The following NOTCH1 variants were observed in gnomAD, a reference collection of about 807,000 sequenced individuals.
The protein encoded by NOTCH1 is neurogenic locus notch homolog protein 1.
A neutral mutation model predicts 254.8 loss-of-function variants in NOTCH1; 37 were observed. The ratio of observed to expected loss-of-function variants is 0.15; its 90% CI spans 0.11 to 0.19. NOTCH1 has a LOEUF of 0.19. Ranked by LOEUF, NOTCH1 falls within the 10% of genes least tolerant of loss-of-function variation. The probability of loss-of-function intolerance (pLI) is 1.00; values close to 1 mark genes in which losing one functional copy is unlikely to be tolerated. For missense variants in NOTCH1, 2,972 were observed against 3,708.6 expected, an observed-to-expected ratio of 0.80 and a Z score of 5.16; for synonymous variants, 1,731 against 1,618.1, an observed-to-expected ratio of 1.07 and a Z score of -1.68.
At position 136,500,564 on chromosome 9, in the gene NOTCH1, T is replaced by C. The variant is rs770803201; in HGVS notation, c.5922A>G (p.Gln1974=). Residue 1974 remains glutamine (Q), a synonymous_variant, in exon 31 of 34, where the codon CAA becomes CAG. Coordinates refer to ENST00000651671, the MANE Select transcript of NOTCH1 (RefSeq NM_017617.5). ...AGCCACTGCCTACCTGGAAGACACC[T>C]TGTGCGTCGGCAGACACAGCCGCAT... ...PLHAAVSADA[Q]GVFQILIRNR... 3 of 1,611,218 alleles carry C rather than the reference T, an allele frequency of 1.9e-6. No homozygotes were observed. The highest frequency in any genetic ancestry group is 3.3e-5 in the Admixed American group (2 of 60,024).
chr9:136,504,120 C>T (rs763917972), intron 26 of NOTCH1, among the ~76,000 whole-genome samples: 1 of 152,226 alleles, frequency 6.6e-6, no homozygotes, highest in Non-Finnish European at 1.5e-5. Context: ...CATGACCAAG[C>T]GGCATTCTTG....
rs555199977 is a variant in NOTCH1, at chr9:136,511,065, C to T, written c.2587+87G>A. ...GCACCCACCAGCTCCTCTTCAAAGACTCATCTAGCCTGCCTGGGAGCTGCC... is the reference window on the plus strand; with the variant it reads ...GCACCCACCAGCTCCTCTTCAAAGATTCATCTAGCCTGCCTGGGAGCTGCC... On this transcript the variant is annotated intron_variant, in intron 16 of 33. Transcript: ENST00000651671. 4 of 1,594,020 alleles carry T rather than the reference C, an allele frequency of 2.5e-6. No homozygotes were observed. The African/African-American group carries it at 5.4e-5, about 21-fold the overall frequency.
intron 9 of NOTCH1, among the ~76,000 whole-genome samples, chr9:136,516,535 C>G (rs1843275004): frequency 6.6e-6 from 1 of 152,222 alleles, no homozygotes; most frequent in Non-Finnish European, 1.5e-5. Context: ...CCCCGGGCAG[C>G]CATCATCTCC....
Position 136,504,957 on chromosome 9 carries a change from C to T in NOTCH1, c.4734G>A (p.Val1578=). 6.3e-7 allele frequency: 1 copy of T among 1,584,828 alleles called. No homozygotes were observed. Among genetic ancestry groups the T allele is most frequent in the East Asian group, 2.3e-5 (1 of 43,422 alleles). ...TGCGCAGCTGCTCCGGCGGCATCAG[C>T]ACCACCACCACCAGCGTGCCGGCCG... ...RLAAGTLVVV[V]LMPPEQLRNS... is the part of the protein sequence containing the mutation. Residue 1578 remains valine, a synonymous_variant, in exon 26 of 34, where the codon GTG becomes GTA. Transcript: ENST00000651671.
rs2133379918 is a variant in NOTCH1 at position 136,523,989 on chromosome 9, G to A, written c.141-10C>T. 6.5e-7 allele frequency: 1 copy of A among 1,547,222 alleles called. No homozygotes were observed. Among genetic ancestry groups the A allele is most frequent in the Non-Finnish European group, 8.7e-7 (1 of 1,147,888 alleles). On this transcript the variant is annotated splice_polypyrimidine_tract_variant and intron_variant, in intron 2 of 33. Coordinates refer to ENST00000651671, the MANE Select transcript of NOTCH1 (RefSeq NM_017617.5). The stretch of plus-strand genomic sequence containing the variant: ...GAAGGCCCCGCCACAGCTGTTGGCA[G>A]ATGTGCCAGGGCAGTTAGTTCCCAC...
intron 2 of NOTCH1, among the ~76,000 whole-genome samples, chr9:136,539,231 G>GGCT: frequency 6.6e-6 from 1 of 152,274 alleles, no homozygotes; most frequent in East Asian, 1.9e-4. Flanking sequence ...AAAACATGTT[G>GGCT]GCTGCTGTTC....
intron 2 of NOTCH1, among the ~76,000 whole-genome samples, chr9:136,538,558 C>A (rs951073927): frequency 1.5e-4 from 23 of 152,252 alleles, no homozygotes; most frequent in Admixed American, 4.6e-4. Flanking sequence ...AAACGCAGCC[C>A]GGCCCACAGG....
intron 2 of NOTCH1, among the ~76,000 whole-genome samples, chr9:136,525,969 CAT>C (rs955253086): frequency 3.1e-4 from 47 of 152,390 alleles, no homozygotes; most frequent in African/African-American, 8.9e-4. Context: ...AAAGAAAACA[CAT>C]GTCACCCCTT....
chr9:136,510,523 A>G (rs1236758975), intron 17 of NOTCH1, 130 bp downstream of exon 17: 3 of 1,281,236 alleles, frequency 2.3e-6, no homozygotes, highest in Admixed American at 2.0e-5. Context: ...CCCACACCTG[A>G]CCCAACCCTC....
rs1233037256 is a variant in NOTCH1, at chr9:136,545,046, G to GC, written c.61+679dup. The stretch of plus-strand genomic sequence containing the variant: ...CTGTGCGGCGGGGAGAAATGTAAGA[G>GC]CCCCCCACCCGCGTCCCGCTCTCCG... On this transcript the variant is annotated intron_variant, in intron 1 of 33. Transcript: ENST00000651671. The surrounding 1 kb of genome is among the most constrained non-coding windows in gnomAD (Gnocchi z 6.8). Among the ~76,000 whole-genome samples, 1 of 152,088 alleles carries GC rather than the reference G, an allele frequency of 6.6e-6. No individual in the cohort carries two copies. The highest frequency in any genetic ancestry group is 2.1e-4 in the South Asian group (1 of 4,830).
intron 2 of NOTCH1, among the ~76,000 whole-genome samples, chr9:136,541,278 TC>T (rs1843728819): frequency 2.0e-5 from 3 of 152,060 alleles, no homozygotes; most frequent in African/African-American, 7.2e-5. Flanking sequence ...CTTTTTCCAA[TC>T]CCGGGCCCTG....
At position 136,502,037 on chromosome 9, in the gene NOTCH1, C is replaced by T. The variant is rs2133329896; in HGVS notation, c.5436G>A (p.Glu1812=). The change falls in exon 29 of 34, where the codon GAG becomes GAA. Residue 1812 remains glutamate, a synonymous_variant. Coordinates refer to ENST00000651671, the MANE Select transcript of NOTCH1 (RefSeq NM_017617.5). ...DGALMDDNQN[E]WGDEDLETKK... is the part of the protein sequence containing the mutation. ...TGGTCTCCAGGTCCTCGTCCCCCCA[C>T]TCATTCTGGTTGTCGTCCATGAGGG... 1 of 1,613,388 alleles carries T rather than the reference C, an allele frequency of 6.2e-7. No homozygotes were observed. Among genetic ancestry groups the T allele is most frequent in the Non-Finnish European group, 8.5e-7 (1 of 1,179,980 alleles).
At position 136,545,649 on chromosome 9, in the gene NOTCH1, G is replaced by A; in HGVS notation, c.61+77C>T. The A allele has an allele frequency of 8.1e-7, 1 of 1,235,728 alleles. No homozygotes were observed. 76.5% of individuals were successfully genotyped at this position (1,235,728 alleles called of 1,614,324 possible). ...CTCCCCGCCGCCCGCTCCCAGCCGTGGGGCGCGCGCGCCGGGCGCCGCCAA... is the reference window on the plus strand; with the variant it reads ...CTCCCCGCCGCCCGCTCCCAGCCGTAGGGCGCGCGCGCCGGGCGCCGCCAA... On this transcript the variant is annotated intron_variant, in intron 1 of 33. Coordinates refer to ENST00000651671, the MANE Select transcript of NOTCH1 (RefSeq NM_017617.5). The surrounding 1 kb of genome is among the most constrained non-coding windows in gnomAD (Gnocchi z 6.8).
chr9:136,511,793 C>G (rs1843185584), intron 15 of NOTCH1, among the ~76,000 whole-genome samples: 1 of 152,198 alleles, frequency 6.6e-6, no homozygotes, highest in Admixed American at 6.5e-5. Context: ...GGGGACAGGC[C>G]CAGGCCCCCA....
chr9:136,527,780 A>T (rs1843488789), intron 2 of NOTCH1, among the ~76,000 whole-genome samples: 1 of 152,110 alleles, frequency 6.6e-6, no homozygotes, highest in Non-Finnish European at 1.5e-5. Context: ...GCGCTGGGGT[A>T]ACCTGTCCTA....
At chr9:136,544,910 G>T (rs1309498929) in intron 1 of NOTCH1, among the ~76,000 whole-genome samples, 2 of 152,214 alleles carry the variant, frequency 1.3e-5, no homozygotes, top group Admixed American at 1.3e-4. Flanking sequence ...AGAAACGGGG[G>T]AGGGGGGTGT....
chr9:136,537,988 G>A (rs1029042670), intron 2 of NOTCH1, among the ~76,000 whole-genome samples: 2 of 152,162 alleles, frequency 1.3e-5, no homozygotes, highest in Non-Finnish European at 2.9e-5. Context: ...AGCTACTCAG[G>A]AGCATCGCGT....
In NOTCH1 at chr9:136,519,575, G is replaced by A; in HGVS notation, c.743-10C>T. On this transcript the variant is annotated splice_polypyrimidine_tract_variant and intron_variant, in intron 4 of 33. Coordinates refer to ENST00000651671, the MANE Select transcript of NOTCH1 (RefSeq NM_017617.5). ...TTCTGGCCGGTGAAGCCTGCCGCAA[G>A]AGGGGCCGGGTCAGCCTCTTCCCTG... is the stretch of plus-strand genomic sequence containing the variant. 1 of 1,612,700 alleles carries A rather than the reference G, an allele frequency of 6.2e-7. No homozygotes were observed. The highest frequency in any genetic ancestry group is 2.2e-5 in the East Asian group (1 of 44,868).
At chr9:136,498,360 G>A (rs1842948565) in intron 33 of NOTCH1, among the ~76,000 whole-genome samples, 2 of 152,058 alleles carry the variant, frequency 1.3e-5, no homozygotes, top group Admixed American at 1.3e-4. Context: ...GAGGGCTGGG[G>A]GTGGCTCCCC....
Sources: gnomAD v4.1 joint callset for allele counts (sites outside exome capture counted in the v4.1 genomes callset) on GRCh38, gnomAD v4.1.1 for gene constraint, Gnocchi (gnomAD v3.1) non-coding constraint, MANE v1.5 for transcripts, NCBI Gene and HGNC (gene_info 2026-07-23, HGNC 2026-07-21) for gene names.